PCNT: variants seen among roughly 807,000 people sequenced by gnomAD.
The protein encoded by PCNT is pericentrin.
In PCNT, 319 loss-of-function variants were observed where a neutral mutation model predicts 380.4. That is an observed-to-expected ratio of 0.84 (90% CI 0.77 to 0.92). PCNT has a LOEUF of 0.92. Ranked by LOEUF, PCNT falls within the 40% of genes least tolerant of loss-of-function variation. The pLI is 0.00. For missense variants in PCNT, 4,400 were observed against 4,255.3 expected (o/e 1.03, Z -0.95); for synonymous variants, 1,845 against 1,735.2 (o/e 1.06, Z -1.57).
chr21:46,413,003 G>A lies in PCNT; in HGVS notation c.6150+11G>A, dbSNP rs10222116. Reference sequence around the variant, plus strand: ...GAGGACGGCGGCAAGGTGTGGGGAGGGGGGAAGGCGCGAGGTCCCCCCGGG... The same window carrying A: ...GAGGACGGCGGCAAGGTGTGGGGAGAGGGGAAGGCGCGAGGTCCCCCCGGG... On this transcript the variant is annotated intron_variant, in intron 29 of 46. Transcript: ENST00000359568. 12 of 1,535,910 alleles carry A rather than the reference G, an allele frequency of 7.8e-6. No individual in the cohort carries two copies. In the African/African-American group the frequency reaches 1.1e-4, roughly 14 times the overall value.
At chr21:46,361,563 A>G (rs779889667) in intron 13 of PCNT, among the ~76,000 whole-genome samples, 2 of 152,284 alleles carry the variant, frequency 1.3e-5, no homozygotes, top group Admixed American at 6.5e-5. Context: ...TAGACATCAC[A>G]TCCGCCTCCT....
rs1601223051 is a variant in PCNT, at chr21:46,442,350, G to A, written c.9624-147G>A. ...TGTGCACCCGGCATGCCAGGCCCGAGTCAACAGACTGGCCGACCTTGGCGT... is the reference window on the plus strand; with the variant it reads ...TGTGCACCCGGCATGCCAGGCCCGAATCAACAGACTGGCCGACCTTGGCGT... On this transcript the variant is annotated intron_variant, in intron 43 of 46. Coordinates refer to ENST00000359568, the MANE Select transcript of PCNT (RefSeq NM_006031.6). 7.2e-6 allele frequency: 5 copies of A among 695,472 alleles called. No homozygotes were observed. The East Asian group carries it at 1.4e-4, about 19-fold the overall frequency. The allele number at this position is 695,472 out of a possible 1,614,324, so 43.1% of individuals were successfully genotyped here.
intron 3 of PCNT, among the ~76,000 whole-genome samples, chr21:46,340,086 G>A (rs1264221829): frequency 6.6e-6 from 1 of 152,202 alleles, no homozygotes; most frequent in Non-Finnish European, 1.5e-5. Flanking sequence ...GGCTGGGGAG[G>A]CCTCACAGTC....
At chr21:46,375,907 C>A (rs1361247154) in intron 15 of PCNT, among the ~76,000 whole-genome samples, 1 of 152,242 alleles carries the variant, frequency 6.6e-6, no homozygotes, top group African/African-American at 2.4e-5. Flanking sequence ...GGGTGCGAGG[C>A]GGTACCTGCG....
chr21:46,414,991 A>G (rs1352833145), intron 29 of PCNT, among the ~76,000 whole-genome samples: 1 of 152,228 alleles, frequency 6.6e-6, no homozygotes. Flanking sequence ...AGTGCTGGGC[A>G]GGTGTTTTAT....
In PCNT at chr21:46,342,793, T is replaced by G. The variant is rs189555254; in HGVS notation, c.640-3335T>G. 6.4e-3 allele frequency among the ~76,000 whole-genome samples: 969 copies of G among 152,330 alleles called. 10 individuals are homozygous for G. Among genetic ancestry groups the G allele is most frequent in the African/African-American group, 0.022 (931 of 41,566 alleles). On this transcript the variant is annotated intron_variant, in intron 3 of 46. Coordinates refer to ENST00000359568, the MANE Select transcript of PCNT (RefSeq NM_006031.6). Reference sequence around the variant, plus strand: ...ATCCGCCTGCCTCGGCCTCCCAAAGTGCTGGGATTGCAGGTGTGAGCCACC... The same window carrying G: ...ATCCGCCTGCCTCGGCCTCCCAAAGGGCTGGGATTGCAGGTGTGAGCCACC...
intron 7 of PCNT, 63 bp from the exon 8 acceptor site, chr21:46,349,621 C>G: frequency 6.4e-7 from 1 of 1,558,240 alleles, no homozygotes. Flanking sequence ...ATTATTGTCA[C>G]TGAGGTCGCT....
intron 29 of PCNT, among the ~76,000 whole-genome samples, chr21:46,413,992 CTCT>C (rs1239584692): frequency 8.6e-6 from 1 of 115,890 alleles, no homozygotes; most frequent in Non-Finnish European, 1.7e-5. Flanking sequence ...TTTTTTTTCT[CTCT>C]TTTTTTTTTT....
Position 46,427,746 on chromosome 21 carries a change from G to A in PCNT, c.7445G>A (p.Gly2482Glu). Residue 2482 changes from glycine to glutamate, a missense_variant, in exon 34 of 47, where the codon GGG becomes GAG. Coordinates refer to ENST00000359568, the MANE Select transcript of PCNT (RefSeq NM_006031.6). ...CCCCGACTCAGTGGCTCAGATCTGG[G>A]GGGTCACAGCTCCCTGCTCGAAAGG... ...LQPRLSGSDL[G>E]GHSSLLERLE... 11 of 1,613,836 alleles carry A rather than the reference G, an allele frequency of 6.8e-6. No homozygotes were observed. Among genetic ancestry groups the A allele is most frequent in the Non-Finnish European group, 9.3e-6 (11 of 1,180,044 alleles).
rs1370241601 is a variant in PCNT, at chr21:46,382,573, T to TA, written c.3312+734dup. On this transcript the variant is annotated intron_variant, in intron 16 of 46. Transcript: ENST00000359568. ...TGGCGGAAGCACATTCACGGTGTTGTATATTCAGTGGCGGAAGCGCATTCA... is the reference window on the plus strand; with the variant it reads ...TGGCGGAAGCACATTCACGGTGTTGTAATATTCAGTGGCGGAAGCGCATTCA... Among the ~76,000 whole-genome samples the TA allele has an allele frequency of 2.8e-5, 4 of 144,096 alleles. 1 individual carries two copies. The highest frequency in any genetic ancestry group is 2.2e-4 in the East Asian group (1 of 4,556). 94.5% of individuals were successfully genotyped at this position (144,096 alleles called of 152,430 possible).
At chr21:46,349,617 G>T in intron 7 of PCNT, 67 bp from the exon 8 acceptor site, 1 of 1,539,866 alleles carries the variant, frequency 6.5e-7, no homozygotes, top group South Asian at 1.1e-5. Flanking sequence ...CACCATTATT[G>T]TCACTGAGGT....
At position 46,326,413 on chromosome 21, in the gene PCNT, A is replaced by G. The variant is rs745970165; in HGVS notation, c.91A>G (p.Ser31Gly). The change falls in exon 2 of 47, where the codon AGT (serine) becomes GGT (glycine). Residue 31 changes from serine to glycine, a missense_variant. Transcript: ENST00000359568. ...CCGACAGAGAAAAACAAAAGGTGAC[A>G]GTTCGCATTCGGAGAAAAAGACGGC... ...HFRQRKTKGD[S>G]SHSEKKTAKR... 39 of 1,614,110 alleles carry G rather than the reference A, an allele frequency of 2.4e-5. No homozygotes were observed. In the East Asian group the frequency reaches 6.5e-4, roughly 27 times the overall value.
intron 2 of PCNT, among the ~76,000 whole-genome samples, chr21:46,326,841 C>T (rs2083410298): frequency 6.6e-6 from 1 of 151,964 alleles, no homozygotes; most frequent in South Asian, 2.1e-4. Flanking sequence ...TGGAGAAACC[C>T]TGTCTATACT....
chr21:46,353,361 G>A (rs766160627), intron 10 of PCNT, 35 bp downstream of exon 10: 1 of 1,548,874 alleles, frequency 6.5e-7, no homozygotes, highest in East Asian at 2.2e-5. Context: ...GTGAGTTTCT[G>A]CCATACAGGG....
chr21:46,422,477 G>T (rs756313002), intron 32 of PCNT, among the ~76,000 whole-genome samples: 2 of 150,260 alleles, frequency 1.3e-5, no homozygotes, highest in East Asian at 3.9e-4. Context: ...ACCAGACGCC[G>T]CAGTGCTCTA....
In PCNT at chr21:46,411,798, C is replaced by T. The variant is rs2086794926; in HGVS notation, c.5725C>T (p.Pro1909Ser). The change falls in exon 28 of 47, where the codon CCC becomes TCC. Residue 1909 changes from proline (P) to serine (S), a missense_variant. Physicochemically the swap from Pro to Ser is moderately conservative, Grantham distance 74. Coordinates refer to ENST00000359568, the MANE Select transcript of PCNT (RefSeq NM_006031.6). ...ARIRRALEQQ[P>S]LAAGAAPPEL... ...CATCCGCCGCGCCCTGGAGCAGCAGCCCCTGGCAGCCGGGGCGGCGCCTCC... is the reference window on the plus strand; with the variant it reads ...CATCCGCCGCGCCCTGGAGCAGCAGTCCCTGGCAGCCGGGGCGGCGCCTCC... 3 of 1,594,856 alleles carry T rather than the reference C, an allele frequency of 1.9e-6. No homozygotes were observed. The highest frequency in any genetic ancestry group is 1.7e-5 in the Admixed American group (1 of 58,560).
At chr21:46,430,458 A>G (rs570569536) in intron 36 of PCNT, 49 bp from the exon 37 acceptor site, 3 of 1,546,724 alleles carry the variant, frequency 1.9e-6, no homozygotes, top group East Asian at 4.9e-5. Context: ...GCCCCCGGGA[A>G]CACACTCTGG....
intron 9 of PCNT, among the ~76,000 whole-genome samples, chr21:46,351,964 A>G (rs548703423): frequency 6.6e-6 from 1 of 152,332 alleles, no homozygotes; most frequent in Non-Finnish European, 1.5e-5. Flanking sequence ...TCTCCAGGCC[A>G]CTTGCTGAAG....
intron 13 of PCNT, 135 bp downstream of exon 13, chr21:46,357,326 G>A (rs2084514745): frequency 9.5e-6 from 7 of 733,394 alleles, no homozygotes; most frequent in Admixed American, 5.7e-5. Flanking sequence ...TTGTAAGGGC[G>A]ACAGTCCCGT....
Sources: gnomAD v4.1 joint callset for allele counts (sites outside exome capture counted in the v4.1 genomes callset) on GRCh38, gnomAD v4.1.1 for gene constraint, MANE v1.5 for transcripts, NCBI Gene and HGNC (gene_info 2026-07-23, HGNC 2026-07-21) for gene names.